Variants in GART observed in about 807,000 individuals in gnomAD.
GART encodes the protein trifunctional purine biosynthetic protein adenosine-3.
A neutral mutation model predicts 107.2 loss-of-function variants in GART; 43 were observed. That is an observed-to-expected ratio of 0.40 (90% confidence interval 0.31 to 0.52). The LOEUF is 0.52. GART is among the 20% of genes least tolerant of loss of function. The probability of loss-of-function intolerance (pLI) is 0.52; values close to 1 mark genes in which losing one functional copy is unlikely to be tolerated. For missense variants in GART, 1,107 were observed against 1,206.5 expected (o/e 0.92, Z 1.22); for synonymous variants, 434 against 427.0 (o/e 1.02, Z -0.20).
At chr21:33,515,670 A>C (rs1409913363) in intron 16 of GART, among the ~76,000 whole-genome samples, 3 of 150,858 alleles carry the variant, frequency 2.0e-5, no homozygotes, top group South Asian at 2.1e-4. Context: ...AAAAAAAAAA[A>C]AAAAACGAAA....
chr21:33,532,239 G>GT (rs2145748195), intron 5 of GART, 106 bp downstream of exon 5: 1 of 762,968 alleles, frequency 1.3e-6, no homozygotes, highest in South Asian at 1.6e-5. Flanking sequence ...TTACCCATAT[G>GT]TTTGCAAAAT....
rs775883120 is a variant in GART at position 33,520,962 on chromosome 21, C to T, written c.1447G>A (p.Gly483Ser). 1.9e-6 allele frequency: 3 copies of T among 1,614,046 alleles called. No homozygotes were observed. Among genetic ancestry groups the T allele is most frequent in the Non-Finnish European group, 2.5e-6 (3 of 1,179,964 alleles). Reference sequence around the variant, plus strand: ...GAGGCCAGAAGGGGATCTTTGAAACCAGCTGCTTTTAAATCAAAAAGACCA... The same window carrying T: ...GAGGCCAGAAGGGGATCTTTGAAACTAGCTGCTTTTAAATCAAAAAGACCA... The part of the protein sequence containing the change: ...FAGLFDLKAA[G>S]FKDPLLASGT... The change falls in exon 13 of 22, where the codon GGT (glycine) becomes AGT (serine). Residue 483 changes from glycine to serine, a missense_variant. Gly to Ser is a moderately conservative substitution (Grantham distance 56). Transcript: ENST00000381815.
chr21:33,519,041 C>A (rs562987804), intron 14 of GART: 245 of 293,966 alleles, frequency 8.3e-4, no homozygotes, highest in Middle Eastern at 3.9e-3. Context: ...AAGTTTTTAT[C>A]ATCTGCTGTA....
intron 10 of GART, among the ~76,000 whole-genome samples, chr21:33,526,850 C>G (rs1257295641): frequency 6.6e-6 from 1 of 151,994 alleles, no homozygotes; most frequent in African/African-American, 2.4e-5. Context: ...TTTTAGAAAA[C>G]CATTCTTTCA....
In GART at chr21:33,532,489, A is replaced by T. The variant is rs746711252; in HGVS notation, c.417-33T>A. On this transcript the variant is annotated intron_variant, in intron 4 of 21. Transcript: ENST00000381815. ...GACAGAGTAATCGTCAACATCCAATAAACCATTACAACTCAAGATTTTAAA... is the reference window on the plus strand; with the variant it reads ...GACAGAGTAATCGTCAACATCCAATTAACCATTACAACTCAAGATTTTAAA... The T allele has an allele frequency of 1.0e-5, 15 of 1,462,416 alleles. No homozygotes were observed. In the Admixed American group the frequency reaches 2.5e-4, roughly 25 times the overall value. The allele number at this position is 1,462,416 out of a possible 1,614,324, so 90.6% of individuals were successfully genotyped here.
At chr21:33,521,873 C>T (rs566195493) in intron 12 of GART, among the ~76,000 whole-genome samples, 1 of 145,968 alleles carries the variant, frequency 6.9e-6, no homozygotes, top group African/African-American at 2.5e-5. Context: ...GCAGGAGAAT[C>T]GCTTGAAATC....
rs956557582 is a variant in GART, at chr21:33,504,524, T to C, written c.2729A>G (p.Lys910Arg). Residue 910 changes from lysine to arginine, a missense_variant, in exon 21 of 22, where the codon AAA becomes AGA. By Grantham distance (26) the Lys-to-Arg change is conservative. Coordinates refer to ENST00000381815, the MANE Select transcript of GART (RefSeq NM_000819.5). ...SGPFVQKWNG[K>R]MLNIHPSLLP... ...CAAGGATGGGTGGATATTGAGCATT[T>C]TTCCTAAAAATTAAAAAAAGCATAG... The C allele has an allele frequency of 3.1e-6, 5 of 1,605,936 alleles. No homozygotes were observed. Among genetic ancestry groups the C allele is most frequent in the Non-Finnish European group, 4.3e-6 (5 of 1,173,938 alleles).
chr21:33,508,131 G>A (rs1217629041), intron 18 of GART, among the ~76,000 whole-genome samples: 3 of 152,124 alleles, frequency 2.0e-5, no homozygotes, highest in South Asian at 4.1e-4. Flanking sequence ...TGCAAACGAC[G>A]TGGTTTAGGA....
intron 5 of GART, 106 bp from the exon 6 acceptor site, chr21:33,531,663 G>C (rs2085193629): frequency 2.1e-6 from 2 of 952,598 alleles, no homozygotes; most frequent in African/African-American, 1.7e-5. Context: ...TTATGAACCA[G>C]TGAGTACTGT....
chr21:33,528,078 C>T (rs138288516), intron 10 of GART, 89 bp downstream of exon 10: 16 of 1,255,882 alleles, frequency 1.3e-5, no homozygotes, highest in Admixed American at 1.8e-5. Flanking sequence ...ACACTCTTAT[C>T]GAGAGCAAGC....
chr21:33,526,254 T>C (rs572660198), intron 10 of GART, among the ~76,000 whole-genome samples: 1 of 152,182 alleles, frequency 6.6e-6, no homozygotes, highest in East Asian at 1.9e-4. Context: ...CACTGCAACC[T>C]CTACCTCCTG....
intron 12 of GART, 36 bp from the exon 13 acceptor site, chr21:33,521,051 A>C: frequency 6.7e-7 from 1 of 1,498,928 alleles, no homozygotes; most frequent in Non-Finnish European, 9.3e-7. Flanking sequence ...GCTACATTTT[A>C]ATAGATTAAA....
chr21:33,518,950 A>G, intron 14 of GART: 1 of 435,342 alleles, frequency 2.3e-6, no homozygotes, highest in South Asian at 1.8e-5. Context: ...GTTAAAGTGG[A>G]TCTCTGGTCT....
chr21:33,528,128 G>A, intron 10 of GART, 39 bp downstream of exon 10: 2 of 1,597,846 alleles, frequency 1.3e-6, no homozygotes, highest in Non-Finnish European at 1.7e-6. Flanking sequence ...GCTGGCACTT[G>A]TCACGTTGTA....
rs760798564 is a variant in GART at position 33,505,566 on chromosome 21, C to T, written c.2720G>A (p.Trp907Ter). ...RILSGPFVQK[W>*]NGKMLNIHPS... ...GTCAAATAATTTTTGCTTACCATTC[C>T]ACTTTTGGACAAAGGGGCCAGAAAG... Residue 907 changes from tryptophan (W) to a stop codon, truncating the protein, a stop_gained, in exon 20 of 22, where the codon TGG becomes TAG. Transcript: ENST00000381815. LOFTEE classifies it high-confidence loss of function. The T allele has an allele frequency of 1.3e-6, 2 of 1,588,782 alleles. No individual in the cohort carries two copies. Among genetic ancestry groups the T allele is most frequent in the Non-Finnish European group, 1.7e-6 (2 of 1,170,926 alleles).
At position 33,522,354 on chromosome 21, in the gene GART, G is replaced by C. The variant is rs1017225463; in HGVS notation, c.1299-72C>G. 11 of 1,182,502 alleles carry C rather than the reference G, an allele frequency of 9.3e-6. No individual in the cohort carries two copies. The Middle Eastern group carries it at 7.5e-4, about 81-fold the overall frequency. 73.3% of individuals were successfully genotyped at this position (1,182,502 alleles called of 1,614,324 possible). ...TTTTAATCTTAAAATATTATTTAAA[G>C]CAGAAGATATCCCAAGTGATTTTCA... is the stretch of plus-strand genomic sequence containing the variant. On this transcript the variant is annotated intron_variant, in intron 11 of 21. Transcript: ENST00000381815.
Position 33,524,781 on chromosome 21 carries a change from A to T in GART, c.1286T>A (p.Leu429His). The T allele has an allele frequency of 6.2e-7, 1 of 1,614,222 alleles. No homozygotes were observed. Among genetic ancestry groups the T allele is most frequent in the South Asian group, 1.1e-5 (1 of 91,088 alleles). The change falls in exon 11 of 22, where the codon CTC becomes CAC. Residue 429 changes from leucine to histidine, a missense_variant. By Grantham distance (99) the Leu-to-His change is moderately conservative. Coordinates refer to ENST00000381815, the MANE Select transcript of GART (RefSeq NM_000819.5). ...CTTAGAGTTTTACCTGGGCTGCTGGAGGAAAGCTATGGCACGAAAGCCGAC... is the reference window on the plus strand; with the variant it reads ...CTTAGAGTTTTACCTGGGCTGCTGGTGGAAAGCTATGGCACGAAAGCCGAC... ...KDVGFRAIAFLQQPRSLTYKE... is the reference protein window; with the variant it reads ...KDVGFRAIAFHQQPRSLTYKE...
chr21:33,504,405 T>C lies in GART; in HGVS notation c.2841+7A>G. ...AATATTATGTTGGTAGAAAAAGACA[T>C]ACTCACAGCTACAAAGTGTACAGTG... On this transcript the variant is annotated splice_region_variant and intron_variant, in intron 21 of 21. Transcript: ENST00000381815. 6.2e-7 allele frequency: 1 copy of C among 1,611,842 alleles called. No individual in the cohort carries two copies. The highest frequency in any genetic ancestry group is 8.5e-7 in the Non-Finnish European group (1 of 1,178,014).
chr21:33,528,829 T>C lies in GART; in HGVS notation c.811+21A>G, dbSNP rs111622959. ...AAAGTTACTCTATAGGTGGCTTCCA[T>C]AGTAATGTGGGTGGGCCTACCTGTA... On this transcript the variant is annotated intron_variant, in intron 8 of 21. Transcript: ENST00000381815. 1.5e-3 allele frequency: 2,357 copies of C among 1,542,268 alleles called. 27 individuals carry two copies. The African/African-American group carries it at 0.028, about 18-fold the overall frequency.
Sources: allele counts gnomAD v4.1 joint callset (sites outside exome capture counted in the v4.1 genomes callset), GRCh38; gene constraint gnomAD v4.1.1; transcripts MANE v1.5; gene names NCBI Gene and HGNC (gene_info 2026-07-23, HGNC 2026-07-21).